The following CSMD3 variants were observed in gnomAD, a reference collection of about 807,000 sequenced individuals.
The protein encoded by CSMD3 is CUB and Sushi multiple domains 3, also known as CUB and sushi domain-containing protein 3.
In CSMD3, 177 loss-of-function variants were observed where a neutral mutation model predicts 435.2. The observed-to-expected ratio is 0.41, with a 90% CI of 0.36 to 0.46. The LOEUF (loss-of-function observed/expected upper bound fraction) is 0.46, where lower values mean the gene tolerates loss of function less well. CSMD3 is among the 20% of genes least tolerant of loss of function. The pLI is 0.34. For missense variants in CSMD3, 4,265 were observed against 4,504.6 expected, an observed-to-expected ratio of 0.95 and a Z score of 1.52; for synonymous variants, 1,656 against 1,520.5, an observed-to-expected ratio of 1.09 and a Z score of -2.07.
chr8:112,503,747 T>C (rs763320839), intron 30 of CSMD3, 43 bp downstream of exon 30: 153 of 1,402,914 alleles, frequency 1.1e-4, no homozygotes, highest in Non-Finnish European at 1.5e-4. Flanking sequence ...ATAAAATATC[T>C]ATAATTTAAA....
intron 13 of CSMD3, among the ~76,000 whole-genome samples, chr8:112,692,267 A>G (rs1051838285): frequency 2.0e-5 from 3 of 152,104 alleles, no homozygotes; most frequent in African/African-American, 7.2e-5. Context: ...TTATTAAAAA[A>G]TAAAATAAAT....
intron 13 of CSMD3, among the ~76,000 whole-genome samples, chr8:112,765,554 G>A (rs1399817350): frequency 6.6e-6 from 1 of 151,622 alleles, no homozygotes; most frequent in Non-Finnish European, 1.5e-5. Context: ...CTATATGAGT[G>A]TCAGGCTGCA....
chr8:112,318,432 C>T (rs1235437833), intron 47 of CSMD3, among the ~76,000 whole-genome samples: 2 of 151,868 alleles, frequency 1.3e-5, no homozygotes, highest in Admixed American at 6.6e-5. Flanking sequence ...TTCCTTAGAT[C>T]CTCATTGTGT....
At chr8:112,322,943 T>C (rs1429962806) in intron 45 of CSMD3, among the ~76,000 whole-genome samples, 1 of 152,076 alleles carries the variant, frequency 6.6e-6, no homozygotes, top group Non-Finnish European at 1.5e-5. Context: ...TGACAGAATG[T>C]AGGTTTCTTC....
At chr8:112,353,036 T>C (rs1337452978) in intron 38 of CSMD3, among the ~76,000 whole-genome samples, 1 of 152,194 alleles carries the variant, frequency 6.6e-6, no homozygotes, top group Admixed American at 6.5e-5. Context: ...CTTCTTATTA[T>C]ATGTAAAATT....
At chr8:112,665,859 T>C (rs569021285) in intron 17 of CSMD3, among the ~76,000 whole-genome samples, 1 of 152,270 alleles carries the variant, frequency 6.6e-6, no homozygotes, top group South Asian at 2.1e-4. Flanking sequence ...CAAGGACTTA[T>C]AGGTGAAAGC....
chr8:113,345,124 C>T (rs1198856500), intron 1 of CSMD3, among the ~76,000 whole-genome samples: 2 of 151,946 alleles, frequency 1.3e-5, no homozygotes, highest in Admixed American at 1.3e-4. Context: ...ATAATACTTA[C>T]CTGAGGCAAC....
intron 13 of CSMD3, among the ~76,000 whole-genome samples, chr8:112,733,173 T>C (rs1214998298): frequency 6.6e-6 from 1 of 152,092 alleles, no homozygotes; most frequent in Non-Finnish European, 1.5e-5. Flanking sequence ...AAAATAATAA[T>C]AGCTCTTCCT....
At chr8:112,608,203 T>C (rs1259165963) in intron 22 of CSMD3, among the ~76,000 whole-genome samples, 2 of 151,960 alleles carry the variant, frequency 1.3e-5, no homozygotes, top group Admixed American at 1.3e-4. Flanking sequence ...ATGCCATGTA[T>C]AATAGCATAA....
At chr8:113,299,719 G>A (rs1185062405) in intron 2 of CSMD3, among the ~76,000 whole-genome samples, 1 of 152,028 alleles carries the variant, frequency 6.6e-6, no homozygotes, top group South Asian at 2.1e-4. Flanking sequence ...AAACAGCTGG[G>A]CACAGTGGCT....
At chr8:113,239,975 A>G (rs1178910293) in intron 3 of CSMD3, among the ~76,000 whole-genome samples, 2 of 152,128 alleles carry the variant, frequency 1.3e-5, no homozygotes, top group Non-Finnish European at 2.9e-5. Flanking sequence ...AGTACTCATT[A>G]GTAATTTTTC....
At chr8:113,399,232 A>G (rs559954388) in intron 1 of CSMD3, among the ~76,000 whole-genome samples, 1 of 151,190 alleles carries the variant, frequency 6.6e-6, no homozygotes, top group South Asian at 2.1e-4. Flanking sequence ...TTTATTGCTA[A>G]GAGGAATGTA....
intron 6 of CSMD3, among the ~76,000 whole-genome samples, chr8:113,006,102 C>T (rs1179142587): frequency 6.6e-6 from 1 of 152,002 alleles, no homozygotes; most frequent in Non-Finnish European, 1.5e-5. Flanking sequence ...ATGAACTTTC[C>T]TGCAAAACAA....
chr8:112,278,342 C>A (rs1259294726), intron 59 of CSMD3, among the ~76,000 whole-genome samples: 1 of 152,154 alleles, frequency 6.6e-6, no homozygotes, highest in Non-Finnish European at 1.5e-5. Context: ...GCTTTTCTGG[C>A]CTCTGCCAAG....
At chr8:113,411,873 C>T (rs1306376901) in intron 1 of CSMD3, among the ~76,000 whole-genome samples, 1 of 152,018 alleles carries the variant, frequency 6.6e-6, no homozygotes, top group East Asian at 1.9e-4. Context: ...AAAAAAAATT[C>T]CAACAACTGC....
At chr8:112,955,421 A>G (rs2083979525) in intron 7 of CSMD3, among the ~76,000 whole-genome samples, 1 of 151,734 alleles carries the variant, frequency 6.6e-6, no homozygotes, top group South Asian at 2.1e-4. Flanking sequence ...TTTATGGCGT[A>G]CATAGGATAT....
chr8:113,053,811 C>T (rs1341805622), intron 5 of CSMD3, among the ~76,000 whole-genome samples: 1 of 152,050 alleles, frequency 6.6e-6, no homozygotes, highest in Admixed American at 6.6e-5. Context: ...TCAGCTTAAG[C>T]ATACATGCAA....
chr8:113,085,035 C>T (rs376515654), intron 5 of CSMD3, among the ~76,000 whole-genome samples: 17 of 151,910 alleles, frequency 1.1e-4, no homozygotes, highest in African/African-American at 4.1e-4. Flanking sequence ...GCATACGAAA[C>T]ACACTTGAGG....
Position 112,573,561 on chromosome 8 carries a change from A to T in CSMD3, c.3982T>A (p.Trp1328Arg). The T allele has an allele frequency of 6.2e-7, 1 of 1,613,536 alleles. No individual in the cohort carries two copies. Among genetic ancestry groups the T allele is most frequent in the Non-Finnish European group, 8.5e-7 (1 of 1,179,574 alleles). Residue 1328 changes from tryptophan to arginine, a missense_variant, in exon 24 of 71, where the codon TGG (tryptophan) becomes AGG (arginine). Transcript: ENST00000297405. The stretch of plus-strand genomic sequence containing the variant: ...TCAGTATCGGAATTAAATTCTAGCC[A>T]GAGTTGATTTGAAGTACTACTAAGT... ...LTLSSTSNQL[W>R]LEFNSDTEGT...
Sources: gnomAD v4.1 joint callset for allele counts (sites outside exome capture counted in the v4.1 genomes callset) on GRCh38, gnomAD v4.1.1 for gene constraint, MANE v1.5 for transcripts, NCBI Gene and HGNC (gene_info 2026-07-23, HGNC 2026-07-21) for gene names.